RHOJ: variants seen among roughly 807,000 people sequenced by gnomAD.
RHOJ encodes rho-related GTP-binding protein RhoJ.
Under a neutral mutation model 23.4 loss-of-function variants are expected in RHOJ, and 11 were observed. The observed-to-expected ratio is 0.47, with a 90% CI of 0.30 to 0.78. RHOJ has a LOEUF of 0.78. RHOJ is among the 30% of genes least tolerant of loss of function. The probability of loss-of-function intolerance (pLI) is 0.08; values close to 1 mark genes in which losing one functional copy is unlikely to be tolerated. For missense variants in RHOJ, 254 were observed against 273.4 expected (o/e 0.93, Z 0.50); for synonymous variants, 102 against 102.7 (o/e 0.99, Z 0.04).
chr14:63,280,465 G>T (rs1357846202), intron 2 of RHOJ, among the ~76,000 whole-genome samples: 1 of 152,132 alleles, frequency 6.6e-6, no homozygotes, highest in Non-Finnish European at 1.5e-5. Flanking sequence ...GTAATATACA[G>T]CATGATAACT....
intron 1 of RHOJ, among the ~76,000 whole-genome samples, chr14:63,215,913 T>C (rs1012320426): frequency 2.6e-5 from 4 of 152,178 alleles, no homozygotes; most frequent in Non-Finnish European, 5.9e-5. Flanking sequence ...GTTGAATGAA[T>C]GAATGAATGA....
At chr14:63,211,637 A>G (rs1894240774) in intron 1 of RHOJ, among the ~76,000 whole-genome samples, 1 of 152,188 alleles carries the variant, frequency 6.6e-6, no homozygotes, top group African/African-American at 2.4e-5. Context: ...CTACTCTTCT[A>G]GTTCTTTTGA....
chr14:63,205,157 G>C, intron 1 of RHOJ, 110 bp downstream of exon 1: 1 of 1,180,078 alleles, frequency 8.5e-7, no homozygotes, highest in Non-Finnish European at 1.2e-6. Context: ...GTGCGGGCCT[G>C]GCAGTAACCA....
At chr14:63,220,450 TA>T (rs200905763) in intron 1 of RHOJ, among the ~76,000 whole-genome samples, 2,831 of 136,446 alleles carry the variant, frequency 0.021, 88 homozygotes, top group African/African-American at 0.064. Context: ...ACTTAAAAGT[TA>T]AAAAAAAAAA....
At chr14:63,287,688 T>A (rs1025765556) in intron 4 of RHOJ, among the ~76,000 whole-genome samples, 5 of 152,002 alleles carry the variant, frequency 3.3e-5, no homozygotes, top group African/African-American at 1.2e-4. Flanking sequence ...TTAGCTATTA[T>A]AAAACAATAA....
In RHOJ at chr14:63,293,115, G is replaced by A. The variant is rs1019682168; in HGVS notation, c.*2091G>A. ...ACAAGGACTTTCTGCCTTTATAAATGGAAATCAACTGTGTATGAACTATAA... is the reference window on the plus strand; with the variant it reads ...ACAAGGACTTTCTGCCTTTATAAATAGAAATCAACTGTGTATGAACTATAA... On this transcript the variant is annotated 3_prime_UTR_variant, in exon 5 of 5. Transcript: ENST00000316754. 2.6e-5 allele frequency: 4 copies of A among 152,176 alleles called. No homozygotes were observed. Among genetic ancestry groups the A allele is most frequent in the African/African-American group, 9.7e-5 (4 of 41,436 alleles). The allele number at this position is 152,176 out of a possible 1,614,324, so 9.4% of individuals were successfully genotyped here.
At chr14:63,220,154 A>C (rs1894457365) in intron 1 of RHOJ, among the ~76,000 whole-genome samples, 1 of 152,188 alleles carries the variant, frequency 6.6e-6, no homozygotes, top group African/African-American at 2.4e-5. Context: ...GTCTATCCCC[A>C]AGCAATGTCT....
At position 63,262,797 on chromosome 14, in the gene RHOJ, G is replaced by A. The variant is rs113608622; in HGVS notation, c.179-6313G>A. On this transcript the variant is annotated intron_variant, in intron 1 of 4. Transcript: ENST00000316754. The stretch of plus-strand genomic sequence containing the variant: ...ATGCCAGGAACTGGCTGTGTACTCT[G>A]GGGTATACTGGGCATGGAGACTCTG... Among the ~76,000 whole-genome samples the A allele has an allele frequency of 6.7e-3, 1,018 of 152,352 alleles. 18 individuals are homozygous for A. The highest frequency in any genetic ancestry group is 0.023 in the African/African-American group (958 of 41,582).
chr14:63,216,917 G>A (rs981549330), intron 1 of RHOJ, among the ~76,000 whole-genome samples: 13 of 151,618 alleles, frequency 8.6e-5, no homozygotes, highest in African/African-American at 3.2e-4. Flanking sequence ...CCCTCAAGCT[G>A]AGCAAAGATG....
chr14:63,211,526 T>A (rs1460160102), intron 1 of RHOJ, among the ~76,000 whole-genome samples: 6 of 152,230 alleles, frequency 3.9e-5, no homozygotes, highest in Non-Finnish European at 8.8e-5. Context: ...ATATGTGATG[T>A]TTTGATATAG....
At chr14:63,266,831 G>C (rs1895376377) in intron 1 of RHOJ, among the ~76,000 whole-genome samples, 1 of 152,120 alleles carries the variant, frequency 6.6e-6, no homozygotes, top group South Asian at 2.1e-4. Context: ...TCTAGGTATA[G>C]AATCATATTG....
chr14:63,277,165 T>G (rs1476514862), intron 2 of RHOJ, among the ~76,000 whole-genome samples: 1 of 152,250 alleles, frequency 6.6e-6, no homozygotes, highest in Non-Finnish European at 1.5e-5. Flanking sequence ...CTGGTATTTA[T>G]GAACTCTGTA....
Position 63,231,660 on chromosome 14 carries a change from T to C in RHOJ, c.178+26613T>C, listed in dbSNP as rs548155830. Among the ~76,000 whole-genome samples the C allele has an allele frequency of 9.2e-5, 14 of 152,350 alleles. No homozygotes were observed. In the South Asian group the frequency reaches 2.9e-3, roughly 32 times the overall value. On this transcript the variant is annotated intron_variant, in intron 1 of 4. Transcript: ENST00000316754. ...CACTTAAACTCTAAGCTATTGTTTC[T>C]TCATGTATGAAATGAGGATAATAAT...
chr14:63,219,808 G>C (rs1303547902), intron 1 of RHOJ, among the ~76,000 whole-genome samples: 8 of 80,402 alleles, frequency 1.0e-4, no homozygotes, highest in East Asian at 3.7e-4. Flanking sequence ...GAGCGAGATT[G>C]CATCTCAAAA....
In RHOJ at chr14:63,281,081, C is replaced by A. The variant is rs267604017; in HGVS notation, c.348C>A (p.Val116=). Residue 116 remains valine (V), a synonymous_variant, in exon 3 of 5, where the codon GTC becomes GTA. Coordinates refer to ENST00000316754, the MANE Select transcript of RHOJ (RefSeq NM_020663.5). ...ASYHNVQEEW[V]PELKDCMPHV... ...ACCACAATGTCCAGGAGGAATGGGT[C>A]CCCGAGCTCAAGGACTGCATGCCTC... is the stretch of plus-strand genomic sequence containing the variant. 2 of 1,613,964 alleles carry A rather than the reference C, an allele frequency of 1.2e-6. No homozygotes were observed. Among genetic ancestry groups the A allele is most frequent in the African/African-American group, 2.7e-5 (2 of 74,918 alleles).
Position 63,266,570 on chromosome 14 carries a change from T to G in RHOJ, c.179-2540T>G, listed in dbSNP as rs556221825. 2.0e-5 allele frequency among the ~76,000 whole-genome samples: 3 copies of G among 152,222 alleles called. No homozygotes were observed. The South Asian group carries it at 6.2e-4, about 32-fold the overall frequency. ...ATTCTTCCAATCCATGAGCATGGAA[T>G]GTTTTTCCATTTGTTTGTATCATCT... On this transcript the variant is annotated intron_variant, in intron 1 of 4. Transcript: ENST00000316754.
At chr14:63,276,794 T>G (rs1049245019) in intron 2 of RHOJ, among the ~76,000 whole-genome samples, 1 of 152,228 alleles carries the variant, frequency 6.6e-6, no homozygotes, top group African/African-American at 2.4e-5. Context: ...AATCCTTTGA[T>G]AGCCACTGGG....
chr14:63,222,840 T>C (rs1894523415), intron 1 of RHOJ, among the ~76,000 whole-genome samples: 1 of 152,232 alleles, frequency 6.6e-6, no homozygotes, highest in Admixed American at 6.5e-5. Flanking sequence ...TTAGATCCCA[T>C]TTGTTAATTT....
intron 2 of RHOJ, among the ~76,000 whole-genome samples, chr14:63,272,513 C>T (rs138110487): frequency 1.3e-5 from 2 of 152,344 alleles, no homozygotes; most frequent in Non-Finnish European, 2.9e-5. Context: ...CAATCCTCCA[C>T]ATCTTTGTCT....
Sources: gnomAD v4.1 joint callset for allele counts (sites outside exome capture counted in the v4.1 genomes callset) on GRCh38, gnomAD v4.1.1 for gene constraint, MANE v1.5 for transcripts, NCBI Gene and HGNC (gene_info 2026-07-23, HGNC 2026-07-21) for gene names.